Variants in TBC1D8 observed in about 807,000 individuals in gnomAD.
The protein encoded by TBC1D8 is TBC1 domain family member 8.
In TBC1D8, 65 loss-of-function variants were observed where a neutral mutation model predicts 118.8. The observed-to-expected ratio is 0.55, with a 90% CI of 0.45 to 0.67. The LOEUF is 0.67. TBC1D8 is among the 30% of genes least tolerant of loss of function. TBC1D8 has a pLI of 0.00. For synonymous variants in TBC1D8, 566 were observed against 595.8 expected, an observed-to-expected ratio of 0.95 and a Z score of 0.73; for missense variants, 1,376 against 1,471.2, an observed-to-expected ratio of 0.94 and a Z score of 1.06.
At chr2:101,023,621 T>A (rs1680171449) in intron 15 of TBC1D8, 2 of 441,334 alleles carry the variant, frequency 4.5e-6, no homozygotes, top group Non-Finnish European at 9.2e-6. Flanking sequence ...CAATTTTTTT[T>A]AAGTTTTTTT....
At chr2:101,071,643 A>G (rs1041634604) in intron 2 of TBC1D8, among the ~76,000 whole-genome samples, 2 of 152,216 alleles carry the variant, frequency 1.3e-5, no homozygotes, top group African/African-American at 4.8e-5. Flanking sequence ...ACAATGGAGA[A>G]AAGTGTGCCT....
intron 2 of TBC1D8, among the ~76,000 whole-genome samples, chr2:101,061,501 T>C (rs1411761723): frequency 6.6e-6 from 1 of 152,228 alleles, no homozygotes; most frequent in East Asian, 1.9e-4. Flanking sequence ...GGGCAAGGCA[T>C]TGGCCAAAGC....
intron 5 of TBC1D8, among the ~76,000 whole-genome samples, chr2:101,048,068 G>GC (rs1428520311): frequency 6.6e-6 from 1 of 152,172 alleles, no homozygotes; most frequent in Admixed American, 6.5e-5. Context: ...TCCGACTCCT[G>GC]CAACTACACG....
chr2:101,095,813 C>T (rs890791317), intron 1 of TBC1D8, among the ~76,000 whole-genome samples: 1 of 152,116 alleles, frequency 6.6e-6, no homozygotes, highest in Non-Finnish European at 1.5e-5. Flanking sequence ...AAAGTCTTCT[C>T]TAGTCAGTAA....
At chr2:101,011,615 G>C in intron 17 of TBC1D8, 75 bp from the exon 18 acceptor site, 1 of 1,485,746 alleles carries the variant, frequency 6.7e-7, no homozygotes, top group Non-Finnish European at 9.3e-7. Flanking sequence ...TAGCTTTCTA[G>C]GCAACTAAAG....
chr2:101,112,024 A>T (rs1297913645), intron 1 of TBC1D8, among the ~76,000 whole-genome samples: 2 of 152,136 alleles, frequency 1.3e-5, no homozygotes, highest in Non-Finnish European at 2.9e-5. Context: ...CCAAGCAACG[A>T]ATCATAAATC....
At chr2:101,090,674 G>A (rs1297730784) in intron 1 of TBC1D8, among the ~76,000 whole-genome samples, 1 of 152,196 alleles carries the variant, frequency 6.6e-6, no homozygotes, top group East Asian at 1.9e-4. Flanking sequence ...TAAATAAGCA[G>A]GGGCTCTGGA....
At chr2:101,008,295 G>T in intron 19 of TBC1D8, 22 bp from the exon 20 acceptor site, 2 of 1,495,310 alleles carry the variant, frequency 1.3e-6, no homozygotes, top group Non-Finnish European at 8.9e-7. Flanking sequence ...ATAAGTCTTA[G>T]GTAGCAGCAG....
intron 2 of TBC1D8, among the ~76,000 whole-genome samples, chr2:101,086,408 A>G (rs1675630694): frequency 6.6e-6 from 1 of 152,194 alleles, no homozygotes; most frequent in Non-Finnish European, 1.5e-5. Flanking sequence ...AAAATTTCCT[A>G]AAGTGATTAA....
chr2:101,107,396 C>T (rs1354196376), intron 1 of TBC1D8, among the ~76,000 whole-genome samples: 1 of 151,720 alleles, frequency 6.6e-6, no homozygotes, highest in Non-Finnish European at 1.5e-5. Context: ...ATGGAAGATC[C>T]AATCTCTCTG....
chr2:101,131,377 T>A (rs1022677116), intron 1 of TBC1D8, among the ~76,000 whole-genome samples: 4 of 151,974 alleles, frequency 2.6e-5, no homozygotes, highest in Admixed American at 2.0e-4. Context: ...CCGGGCATGG[T>A]GGTGACGTGC....
chr2:101,033,445 C>A, intron 10 of TBC1D8, 99 bp downstream of exon 10: 1 of 1,455,100 alleles, frequency 6.9e-7, no homozygotes, highest in Non-Finnish European at 9.6e-7. Flanking sequence ...CACGACAACA[C>A]TCAGGACCAG....
At chr2:101,082,830 A>C (rs1299908441) in intron 2 of TBC1D8, among the ~76,000 whole-genome samples, 2 of 142,760 alleles carry the variant, frequency 1.4e-5, no homozygotes, top group Non-Finnish European at 3.1e-5. Context: ...GGAAGATGAA[A>C]AAAGTTCTGG....
intron 18 of TBC1D8, 179 bp from the exon 19 acceptor site, chr2:101,011,205 G>A (rs1267769148): frequency 1.4e-6 from 1 of 698,452 alleles, no homozygotes; most frequent in African/African-American, 1.8e-5. Context: ...GGGGACTTCT[G>A]CTCTAAGAGG....
chr2:101,150,106 C>T (rs2104293867), intron 1 of TBC1D8, among the ~76,000 whole-genome samples: 1 of 152,310 alleles, frequency 6.6e-6, no homozygotes, highest in Non-Finnish European at 1.5e-5. Flanking sequence ...AAATCCAGTT[C>T]CTTTGCACTT....
intron 2 of TBC1D8, among the ~76,000 whole-genome samples, chr2:101,062,259 T>G (rs1426755144): frequency 6.6e-6 from 1 of 152,148 alleles, no homozygotes; most frequent in African/African-American, 2.4e-5. Context: ...TTCTAGGTCT[T>G]TATCCTTTAT....
At chr2:101,118,659 T>C (rs1370683780) in intron 1 of TBC1D8, among the ~76,000 whole-genome samples, 4 of 139,160 alleles carry the variant, frequency 2.9e-5, no homozygotes, top group East Asian at 2.2e-4. Context: ...ATGGCGCCAC[T>C]GCACTCCAGT....
intron 15 of TBC1D8, among the ~76,000 whole-genome samples, chr2:101,026,704 A>G (rs972650543): frequency 6.6e-6 from 1 of 152,186 alleles, no homozygotes; most frequent in African/African-American, 2.4e-5. Flanking sequence ...GGAGTCCACA[A>G]CGTGCCTGCC....
chr2:101,074,721 C>G (rs1325521436), intron 2 of TBC1D8, among the ~76,000 whole-genome samples: 4 of 152,102 alleles, frequency 2.6e-5, no homozygotes, highest in African/African-American at 9.7e-5. Flanking sequence ...TGTTAGAAAT[C>G]AAGATTTTCA....
Sources: allele counts gnomAD v4.1 joint callset (sites outside exome capture counted in the v4.1 genomes callset), GRCh38; gene constraint gnomAD v4.1.1; transcripts MANE v1.5; gene names NCBI Gene and HGNC (gene_info 2026-07-23, HGNC 2026-07-21).